The following HDAC9 variants were observed in gnomAD, a reference collection of about 807,000 sequenced individuals.
HDAC9 encodes MEF-2 interacting transcription repressor (MITR) protein.
In HDAC9, 41 loss-of-function variants were observed where a neutral mutation model predicts 139.4. The observed-to-expected ratio is 0.29, with a 90% CI of 0.23 to 0.38. The LOEUF is 0.38. HDAC9 is among the 10% of genes least tolerant of loss of function. The probability of loss-of-function intolerance (pLI) is 1.00; values close to 1 mark genes in which losing one functional copy is unlikely to be tolerated. For missense variants in HDAC9, 1,147 were observed against 1,297.0 expected (o/e 0.88, Z 1.78); for synonymous variants, 517 against 476.2 (o/e 1.09, Z -1.12).
intron 1 of HDAC9, among the ~76,000 whole-genome samples, chr7:18,096,503 GA>G (rs897160394): frequency 9.3e-5 from 14 of 151,058 alleles, no homozygotes; most frequent in Admixed American, 6.6e-4. Flanking sequence ...TCCCAAAATG[GA>G]AAAAAAAATA....
At chr7:18,557,023 A>G (rs1450929016) in intron 2 of HDAC9, among the ~76,000 whole-genome samples, 1 of 152,056 alleles carries the variant, frequency 6.6e-6, no homozygotes, top group Non-Finnish European at 1.5e-5. Flanking sequence ...TTTAATGAGA[A>G]AAATACCTGG....
At chr7:18,230,390 C>A (rs552367765) in intron 2 of HDAC9, among the ~76,000 whole-genome samples, 1 of 152,284 alleles carries the variant, frequency 6.6e-6, no homozygotes, top group Non-Finnish European at 1.5e-5. Context: ...ACGAAGCTAG[C>A]CCTTATAGAT....
At chr7:18,378,463 C>T (rs1785172403) in intron 1 of HDAC9, among the ~76,000 whole-genome samples, 1 of 151,842 alleles carries the variant, frequency 6.6e-6, no homozygotes, top group South Asian at 2.1e-4. Flanking sequence ...ATAGCTTTTT[C>T]ATAATAATGC....
intron 1 of HDAC9, among the ~76,000 whole-genome samples, chr7:18,092,282 T>C (rs2128059609): frequency 6.6e-6 from 1 of 152,088 alleles, no homozygotes; most frequent in East Asian, 1.9e-4. Context: ...CCCAGCTAGT[T>C]GGCAGGCTGA....
chr7:18,332,661 G>T (rs551678823), intron 1 of HDAC9, among the ~76,000 whole-genome samples: 2 of 151,666 alleles, frequency 1.3e-5, no homozygotes, highest in Admixed American at 1.3e-4. Context: ...TTCAATTAAT[G>T]CATTTCTAAA....
chr7:18,500,676 C>T (rs566369612), intron 2 of HDAC9, among the ~76,000 whole-genome samples: 50 of 152,192 alleles, frequency 3.3e-4, no homozygotes, highest in Admixed American at 1.0e-3. Context: ...GAGCAGCGTA[C>T]TAAATTGGGA....
chr7:18,332,363 G>A (rs920821486), intron 1 of HDAC9, among the ~76,000 whole-genome samples: 14 of 6,204 alleles, frequency 2.3e-3, no homozygotes, highest in African/African-American at 2.6e-3. Flanking sequence ...ATGCGCACAT[G>A]TGTGTGTGTG....
At chr7:18,443,827 CACATTTGTATAAACATTTGTATAT>C (rs1171225801) in intron 1 of HDAC9, among the ~76,000 whole-genome samples, 1 of 151,066 alleles carries the variant, frequency 6.6e-6, no homozygotes. Context: ...TATATATATA[CACATTTGTATAAACATTTGTATAT>C]ACATTTGTAT....
chr7:18,221,457 G>T (rs1036091639), intron 2 of HDAC9, among the ~76,000 whole-genome samples: 3 of 152,124 alleles, frequency 2.0e-5, no homozygotes, highest in African/African-American at 7.2e-5. Context: ...GCTGGAAAGG[G>T]AGTAGCATTT....
chr7:18,367,636 A>G (rs1212208003), intron 1 of HDAC9, among the ~76,000 whole-genome samples: 1 of 151,926 alleles, frequency 6.6e-6, no homozygotes, highest in Non-Finnish European at 1.5e-5. Flanking sequence ...TATGGCAATC[A>G]TTTTCTGAAC....
upstream of HDAC9, among the ~76,000 whole-genome samples, chr7:18,491,245 G>A (rs531582420): frequency 6.6e-6 from 1 of 151,478 alleles, no homozygotes; most frequent in Non-Finnish European, 1.5e-5. Flanking sequence ...TTTTAAAAGG[G>A]GGTTTATTTG....
chr7:18,904,404 C>T (rs974860064), intron 22 of HDAC9, among the ~76,000 whole-genome samples: 19 of 152,026 alleles, frequency 1.2e-4, no homozygotes, highest in Non-Finnish European at 1.9e-4. Context: ...AAGATGTGCT[C>T]TCAAATCTCA....
chr7:18,807,911 G>C (rs1793851278), intron 17 of HDAC9: 1 of 152,160 alleles, frequency 6.6e-6, no homozygotes, highest in African/African-American at 2.4e-5. Context: ...CTGCTAGATG[G>C]AATGTTCTCC....
At chr7:18,212,250 C>A (rs990910470) in intron 2 of HDAC9, among the ~76,000 whole-genome samples, 4 of 152,068 alleles carry the variant, frequency 2.6e-5, no homozygotes, top group African/African-American at 9.7e-5. Context: ...TTTATTAATA[C>A]AAATCTGTAT....
intron 22 of HDAC9, among the ~76,000 whole-genome samples, chr7:18,896,186 G>A (rs959116059): frequency 2.0e-5 from 3 of 151,860 alleles, no homozygotes; most frequent in Admixed American, 6.6e-5. Context: ...TCTTATTTAT[G>A]TTTCAAAAAT....
intron 1 of HDAC9, among the ~76,000 whole-genome samples, chr7:18,484,164 C>G (rs955572435): frequency 1.5e-5 from 2 of 135,566 alleles, no homozygotes; most frequent in East Asian, 4.3e-4. Flanking sequence ...AAAGCAAGAC[C>G]TTATCTCTCA....
At chr7:18,557,842 T>C (rs1473490213) in intron 2 of HDAC9, among the ~76,000 whole-genome samples, 1 of 151,662 alleles carries the variant, frequency 6.6e-6, no homozygotes, top group African/African-American at 2.4e-5. Context: ...TAATAAATAT[T>C]TAATTGAATT....
intron 22 of HDAC9, among the ~76,000 whole-genome samples, chr7:18,885,788 G>T (rs182409018): frequency 1.3e-5 from 2 of 152,124 alleles, no homozygotes; most frequent in Non-Finnish European, 2.9e-5. Flanking sequence ...AATTTTCCAG[G>T]TCAGAAAAGT....
intron 13 of HDAC9, among the ~76,000 whole-genome samples, chr7:18,734,169 G>T (rs1296701847): frequency 6.6e-6 from 1 of 151,928 alleles, no homozygotes; most frequent in Non-Finnish European, 1.5e-5. Context: ...TCACATTTGG[G>T]TATTTCTCAC....
Sources: allele counts gnomAD v4.1 joint callset (sites outside exome capture counted in the v4.1 genomes callset), GRCh38; gene constraint gnomAD v4.1.1; transcripts MANE v1.5; gene names NCBI Gene and HGNC (gene_info 2026-07-23, HGNC 2026-07-21).